Variants in SCFD2 observed in about 807,000 individuals in gnomAD.
SCFD2 encodes the protein sec1 family domain containing 2, also known as sec1 family domain-containing protein 2.
SCFD2 carries 54 observed loss-of-function variants against 58.9 expected under a neutral mutation model. That is an observed-to-expected ratio of 0.92 (90% CI 0.74 to 1.15). SCFD2 has a LOEUF of 1.15. Ranked by LOEUF, SCFD2 falls within the 50% of genes most tolerant of loss-of-function variation. The pLI, the probability that SCFD2 is intolerant of heterozygous loss-of-function variation, is 0.00. For synonymous variants in SCFD2, 321 were observed against 335.9 expected (o/e 0.96, Z 0.49); for missense variants, 805 against 836.6 (o/e 0.96, Z 0.47).
chr4:53,077,432 T>C (rs1217872319), intron 5 of SCFD2, among the ~76,000 whole-genome samples: 1 of 152,140 alleles, frequency 6.6e-6, no homozygotes, highest in Non-Finnish European at 1.5e-5. Flanking sequence ...CTCATGAACA[T>C]TTATTTTTTA....
intron 5 of SCFD2, among the ~76,000 whole-genome samples, chr4:52,967,317 C>A (rs1412223226): frequency 6.6e-6 from 1 of 152,092 alleles, no homozygotes; most frequent in African/African-American, 2.4e-5. Flanking sequence ...GGGACCTTGC[C>A]CTAAATCCCA....
chr4:53,274,905 A>G (rs1291127856), intron 3 of SCFD2, among the ~76,000 whole-genome samples: 1 of 152,222 alleles, frequency 6.6e-6, no homozygotes, highest in African/African-American at 2.4e-5. Flanking sequence ...TCATTCCTAT[A>G]TGTTTCACCC....
chr4:53,289,827 C>A (rs1248111938), intron 3 of SCFD2, among the ~76,000 whole-genome samples: 2 of 152,012 alleles, frequency 1.3e-5, no homozygotes, highest in African/African-American at 4.8e-5. Context: ...ACAAAAAAAG[C>A]AGGGGTAGCT....
chr4:53,286,709 A>G (rs1380053265), intron 3 of SCFD2, among the ~76,000 whole-genome samples: 1 of 151,894 alleles, frequency 6.6e-6, no homozygotes, highest in Admixed American at 6.6e-5. Flanking sequence ...CAGCACCCTG[A>G]CTCCCTGGAT....
At chr4:52,998,971 C>A (rs1015683802) in intron 5 of SCFD2, among the ~76,000 whole-genome samples, 5 of 152,132 alleles carry the variant, frequency 3.3e-5, no homozygotes, top group Non-Finnish European at 5.9e-5. Flanking sequence ...TCCACCTTAT[C>A]CTTTTCTGTA....
At chr4:53,340,703 C>T (rs1260911149) in intron 2 of SCFD2, among the ~76,000 whole-genome samples, 1 of 152,224 alleles carries the variant, frequency 6.6e-6, no homozygotes, top group Non-Finnish European at 1.5e-5. Flanking sequence ...AACTGTGAGG[C>T]AATTCCCAAT....
chr4:53,244,320 C>G (rs1360810683), intron 4 of SCFD2, among the ~76,000 whole-genome samples: 2 of 152,062 alleles, frequency 1.3e-5, no homozygotes, highest in African/African-American at 4.8e-5. Flanking sequence ...AACTCTAAAA[C>G]TGACCATACA....
intron 3 of SCFD2, among the ~76,000 whole-genome samples, chr4:53,297,975 A>C (rs760975760): frequency 7.2e-5 from 11 of 152,150 alleles, no homozygotes; most frequent in Admixed American, 2.6e-4. Context: ...TGGAGCCAAG[A>C]TGGCCGAATA....
chr4:53,073,385 T>C (rs78607325), intron 5 of SCFD2, among the ~76,000 whole-genome samples: 1,643 of 152,222 alleles, frequency 0.011, 30 homozygotes, highest in African/African-American at 0.038. Flanking sequence ...CTTTGAAACT[T>C]TTTCACTTTC....
At chr4:53,266,397 T>C (rs1371096495) in intron 4 of SCFD2, among the ~76,000 whole-genome samples, 1 of 152,172 alleles carries the variant, frequency 6.6e-6, no homozygotes, top group Non-Finnish European at 1.5e-5. Context: ...ATGAGGTAGA[T>C]AATTTATTCT....
At chr4:53,239,397 T>TGGG (rs1729812084) in intron 4 of SCFD2, among the ~76,000 whole-genome samples, 7 of 96,678 alleles carry the variant, frequency 7.2e-5, no homozygotes, top group African/African-American at 3.4e-4. Context: ...GTGGGGAGAG[T>TGGG]GAGAGGGAGA....
intron 5 of SCFD2, among the ~76,000 whole-genome samples, chr4:52,985,186 T>C (rs1421435709): frequency 6.6e-6 from 1 of 152,208 alleles, no homozygotes; most frequent in Non-Finnish European, 1.5e-5. Context: ...GTGTGACTGC[T>C]CCTTCGCAGT....
chr4:53,169,568 G>A (rs1727115993), intron 4 of SCFD2, among the ~76,000 whole-genome samples: 1 of 152,002 alleles, frequency 6.6e-6, no homozygotes, highest in Non-Finnish European at 1.5e-5. Flanking sequence ...TATACCCAAA[G>A]TGGTATTGCT....
At chr4:53,314,605 G>T (rs1233150428) in intron 2 of SCFD2, among the ~76,000 whole-genome samples, 1 of 152,098 alleles carries the variant, frequency 6.6e-6, no homozygotes, top group Non-Finnish European at 1.5e-5. Context: ...TCCAATTAAA[G>T]CCCTACTCAC....
intron 5 of SCFD2, among the ~76,000 whole-genome samples, chr4:52,954,231 T>C (rs954373063): frequency 9.8e-5 from 15 of 152,322 alleles, no homozygotes; most frequent in African/African-American, 3.4e-4. Context: ...AAGTCTTTGG[T>C]CTCTCACCTG....
intron 6 of SCFD2, among the ~76,000 whole-genome samples, chr4:52,915,792 G>A (rs1348899405): frequency 6.6e-6 from 1 of 152,188 alleles, no homozygotes; most frequent in Non-Finnish European, 1.5e-5. Flanking sequence ...ACCCCATGCT[G>A]ATTCCTTCAG....
chr4:53,140,392 AAT>A (rs1553880149), intron 5 of SCFD2, among the ~76,000 whole-genome samples: 2 of 97,494 alleles, frequency 2.1e-5, no homozygotes, highest in Admixed American at 1.1e-4. Context: ...CAAAAATGCT[AAT>A]ATATATATAT....
chr4:53,108,493 A>T (rs1214489695), intron 5 of SCFD2, among the ~76,000 whole-genome samples: 2 of 152,178 alleles, frequency 1.3e-5, no homozygotes, highest in African/African-American at 2.4e-5. Context: ...AGAAGAAAAG[A>T]GAGAAGAATC....
chr4:53,313,093 G>GA (rs556352544), intron 3 of SCFD2, among the ~76,000 whole-genome samples: 3 of 151,642 alleles, frequency 2.0e-5, no homozygotes, highest in Non-Finnish European at 2.9e-5. Context: ...AGATGGATGT[G>GA]AAAAAAAACA....
Sources: gnomAD v4.1 joint callset for allele counts (sites outside exome capture counted in the v4.1 genomes callset) on GRCh38, gnomAD v4.1.1 for gene constraint, MANE v1.5 for transcripts, NCBI Gene and HGNC (gene_info 2026-07-23, HGNC 2026-07-21) for gene names.